GDAP1: variants seen among roughly 807,000 people sequenced by gnomAD.
GDAP1 encodes ganglioside induced differentiation associated protein 1.
In GDAP1, 34 loss-of-function variants were observed where a neutral mutation model predicts 40.1. That is an observed-to-expected ratio of 0.85 (90% CI 0.64 to 1.13). The LOEUF is 1.13. Ranked by LOEUF, GDAP1 falls within the 50% of genes most tolerant of loss-of-function variation. The pLI, the probability that GDAP1 is intolerant of heterozygous loss-of-function variation, is 0.00. For synonymous variants in GDAP1, 170 were observed against 157.4 expected (o/e 1.08, Z -0.60); for missense variants, 374 against 433.7 (o/e 0.86, Z 1.22).
chr8:74,379,728 A>C (rs993241792), intron 2 of GDAP1, among the ~76,000 whole-genome samples: 1 of 152,132 alleles, frequency 6.6e-6, no homozygotes, highest in Non-Finnish European at 1.5e-5. Context: ...GTTGAATGTC[A>C]AGCTGGTCCT....
intron 2 of GDAP1, among the ~76,000 whole-genome samples, chr8:74,445,408 A>G (rs888301556): frequency 6.6e-6 from 1 of 152,170 alleles, no homozygotes; most frequent in Non-Finnish European, 1.5e-5. Context: ...CTATCAGTAA[A>G]AAGAGGAGAA....
At chr8:74,353,798 TGTTTA>T (rs1158501900) in intron 2 of GDAP1, among the ~76,000 whole-genome samples, 3 of 152,194 alleles carry the variant, frequency 2.0e-5, no homozygotes, top group African/African-American at 4.8e-5. Flanking sequence ...TATAAATTAG[TGTTTA>T]GTTAAGTAAG....
At chr8:74,449,485 G>T (rs534810105) in intron 2 of GDAP1, among the ~76,000 whole-genome samples, 1 of 151,630 alleles carries the variant, frequency 6.6e-6, no homozygotes, top group African/African-American at 2.4e-5. Context: ...ATTTATTTAG[G>T]TCTTAGATTT....
Position 74,376,269 on chromosome 8 carries a change from T to TA in GDAP1, c.165+24952dup, listed in dbSNP as rs1345597949. Among the ~76,000 whole-genome samples, 3 of 151,858 alleles carry TA rather than the reference T, an allele frequency of 2.0e-5. No homozygotes were observed. The East Asian group carries it at 5.8e-4, about 29-fold the overall frequency. On this transcript the variant is annotated intron_variant, in intron 2 of 2. Transcript: ENST00000523640. The stretch of plus-strand genomic sequence containing the variant: ...TAAAAATAAATTGACAACTTTAATC[T>TA]AAAATTTATGTGAAAATGCGAAGGA...
chr8:74,384,887 A>T (rs1280508014), intron 2 of GDAP1, among the ~76,000 whole-genome samples: 1 of 152,166 alleles, frequency 6.6e-6, no homozygotes, highest in Non-Finnish European at 1.5e-5. Flanking sequence ...CGCAATACTG[A>T]CTTTACATGT....
intron 2 of GDAP1, among the ~76,000 whole-genome samples, chr8:74,434,359 C>T (rs1806063058): frequency 6.6e-6 from 1 of 152,190 alleles, no homozygotes; most frequent in South Asian, 2.1e-4. Flanking sequence ...CTGCATTTGT[C>T]AATACAAATG....
chr8:74,405,956 T>C (rs1336634504), intron 2 of GDAP1, among the ~76,000 whole-genome samples: 2 of 150,084 alleles, frequency 1.3e-5, no homozygotes, highest in Admixed American at 6.6e-5. Flanking sequence ...GATGAGACAT[T>C]CTGAATTGTG....
chr8:74,388,973 T>C (rs976188260), intron 2 of GDAP1, among the ~76,000 whole-genome samples: 1 of 152,206 alleles, frequency 6.6e-6, no homozygotes, highest in Non-Finnish European at 1.5e-5. Context: ...TGGTTTAAAG[T>C]CTGTTCTATC....
intron 2 of GDAP1, among the ~76,000 whole-genome samples, chr8:74,393,709 T>C (rs1810146841): frequency 2.6e-5 from 4 of 152,192 alleles, no homozygotes; most frequent in Admixed American, 2.0e-4. Flanking sequence ...AGTAGATCAT[T>C]GAATACTGCT....
rs1348960878 is a variant in GDAP1 at position 74,365,631 on chromosome 8, A to G, written c.*1264A>G. ...AGGTCCCAGTGAACAACAGTAGCCA[A>G]AGAATGTACTAACTTTATCATTAAT... On this transcript the variant is annotated 3_prime_UTR_variant, in exon 6 of 6. Coordinates refer to ENST00000220822, the MANE Select transcript of GDAP1 (RefSeq NM_018972.4). 1 of 454,362 alleles carries G rather than the reference A, an allele frequency of 2.2e-6. No homozygotes were observed. Among genetic ancestry groups the G allele is most frequent in the Non-Finnish European group, 4.4e-6 (1 of 226,788 alleles). The allele number at this position is 454,362 out of a possible 1,614,324, so 28.1% of individuals were successfully genotyped here.
chr8:74,407,396 C>T (rs116032321), intron 2 of GDAP1, among the ~76,000 whole-genome samples: 2 of 149,828 alleles, frequency 1.3e-5, no homozygotes, highest in Non-Finnish European at 2.9e-5. Flanking sequence ...CCTCAATCTG[C>T]GTGGGTACCA....
intron 2 of GDAP1, among the ~76,000 whole-genome samples, chr8:74,478,468 C>T (rs1331561473): frequency 1.3e-5 from 2 of 151,984 alleles, no homozygotes; most frequent in South Asian, 2.1e-4. Context: ...AGCACAGGAG[C>T]TATGATGTGG....
chr8:74,461,336 A>G (rs1015004631), intron 2 of GDAP1, among the ~76,000 whole-genome samples: 13 of 152,190 alleles, frequency 8.5e-5, no homozygotes, highest in African/African-American at 2.7e-4. Flanking sequence ...AAACATACAT[A>G]TTATTTAATG....
chr8:74,438,548 C>G (rs1289531175), intron 2 of GDAP1, among the ~76,000 whole-genome samples: 1 of 152,120 alleles, frequency 6.6e-6, no homozygotes, highest in African/African-American at 2.4e-5. Context: ...GTAAGGCTTT[C>G]CTGATGTGTA....
chr8:74,424,879 A>G lies in GDAP1; in HGVS notation c.166-63799A>G, dbSNP rs569326328. ...GACTCTACCTGCCACTAACAAATACAGTGTTTGCAGGTTATTATAGATTTC... is the reference window on the plus strand; with the variant it reads ...GACTCTACCTGCCACTAACAAATACGGTGTTTGCAGGTTATTATAGATTTC... On this transcript the variant is annotated intron_variant, in intron 2 of 2. Coordinates refer to the GDAP1 transcript ENST00000523640. Among the ~76,000 whole-genome samples the G allele has an allele frequency of 3.7e-4, 56 of 152,284 alleles. 2 individuals are homozygous for G. The South Asian group carries it at 0.012, about 32-fold the overall frequency.
intron 2 of GDAP1, among the ~76,000 whole-genome samples, chr8:74,457,399 A>G (rs1806349396): frequency 6.6e-6 from 1 of 152,080 alleles, no homozygotes; most frequent in Admixed American, 6.6e-5. Context: ...ACACTTATTC[A>G]ACAACAAAAT....
At chr8:74,417,488 A>G (rs1805797767) in intron 2 of GDAP1, among the ~76,000 whole-genome samples, 1 of 150,256 alleles carries the variant, frequency 6.7e-6, no homozygotes, top group Non-Finnish European at 1.5e-5. Context: ...GAAAATCCCA[A>G]ACTCTTGACC....
At chr8:74,389,138 G>T (rs1810070555) in intron 2 of GDAP1, among the ~76,000 whole-genome samples, 1 of 152,046 alleles carries the variant, frequency 6.6e-6, no homozygotes. Context: ...TATCTAATGT[G>T]CCAGTCTGTG....
At chr8:74,402,250 G>A (rs1425991805) in intron 2 of GDAP1, among the ~76,000 whole-genome samples, 1 of 150,484 alleles carries the variant, frequency 6.6e-6, no homozygotes, top group Admixed American at 6.6e-5. Flanking sequence ...AAGCAAGCCT[G>A]GGCAATGGCG....
Sources: gnomAD v4.1 joint callset for allele counts (sites outside exome capture counted in the v4.1 genomes callset) on GRCh38, gnomAD v4.1.1 for gene constraint, MANE v1.5 for transcripts, NCBI Gene and HGNC (gene_info 2026-07-23, HGNC 2026-07-21) for gene names.